Variants in SCFD2 observed in about 807,000 individuals in gnomAD.
SCFD2 encodes the protein sec1 family domain containing 2.
Under a neutral mutation model 58.9 loss-of-function variants are expected in SCFD2, and 54 were observed. The ratio of observed to expected loss-of-function variants is 0.92; its 90% CI spans 0.74 to 1.15. SCFD2 has a LOEUF of 1.15. SCFD2 is among the 50% of genes most tolerant of loss of function. SCFD2 has a pLI of 0.00. For missense variants in SCFD2, 805 were observed against 836.6 expected (o/e 0.96, Z 0.47); for synonymous variants, 321 against 335.9 (o/e 0.96, Z 0.49).
intron 1 of SCFD2, among the ~76,000 whole-genome samples, chr4:53,360,223 T>G (rs1201520405): frequency 6.6e-6 from 1 of 152,204 alleles, no homozygotes; most frequent in African/African-American, 2.4e-5. Flanking sequence ...TTGAACCAAA[T>G]GAGATTTTAA....
At chr4:53,317,681 T>C (rs1732906620) in intron 2 of SCFD2, among the ~76,000 whole-genome samples, 1 of 152,218 alleles carries the variant, frequency 6.6e-6, no homozygotes, top group African/African-American at 2.4e-5. Context: ...AGATTATTAC[T>C]AGGCAAGACT....
intron 5 of SCFD2, among the ~76,000 whole-genome samples, chr4:53,105,038 G>A (rs1049707855): frequency 5.3e-5 from 8 of 152,112 alleles, no homozygotes; most frequent in East Asian, 1.9e-4. Context: ...CACAAAGGGC[G>A]AGCTGAAGTG....
At chr4:53,171,329 A>G (rs975816052) in intron 4 of SCFD2, among the ~76,000 whole-genome samples, 1 of 152,210 alleles carries the variant, frequency 6.6e-6, no homozygotes, top group South Asian at 2.1e-4. Flanking sequence ...CGATTTGCAT[A>G]TATTGAACCA....
At chr4:53,262,970 A>T (rs12499731) in intron 4 of SCFD2, among the ~76,000 whole-genome samples, 17,790 of 151,882 alleles carry the variant, frequency 0.12, 1,176 homozygotes, top group East Asian at 0.22. Flanking sequence ...TTCTTTGTCT[A>T]TGATGGATTG....
At chr4:52,909,222 C>T (rs1319277971) in intron 6 of SCFD2, among the ~76,000 whole-genome samples, 1 of 152,134 alleles carries the variant, frequency 6.6e-6, no homozygotes, top group Admixed American at 6.6e-5. Context: ...TTTGCATATG[C>T]TCATGTATGC....
chr4:52,986,655 C>T (rs1269139872), intron 5 of SCFD2, among the ~76,000 whole-genome samples: 1 of 151,726 alleles, frequency 6.6e-6, no homozygotes, highest in Non-Finnish European at 1.5e-5. Context: ...CCCACCACCA[C>T]GCTCGGCTAA....
chr4:53,154,921 G>A (rs1255550940), intron 4 of SCFD2, among the ~76,000 whole-genome samples: 1 of 152,242 alleles, frequency 6.6e-6, no homozygotes, highest in Non-Finnish European at 1.5e-5. Flanking sequence ...GCCATGGAAT[G>A]CAGGGGGCCT....
intron 3 of SCFD2, among the ~76,000 whole-genome samples, chr4:53,279,703 A>G (rs1442760775): frequency 6.6e-6 from 1 of 152,240 alleles, no homozygotes; most frequent in Non-Finnish European, 1.5e-5. Flanking sequence ...GAGACTGGAC[A>G]ATTTAAAAAG....
At chr4:52,941,559 T>C (rs1720293623) in intron 5 of SCFD2, among the ~76,000 whole-genome samples, 1 of 152,214 alleles carries the variant, frequency 6.6e-6, no homozygotes, top group South Asian at 2.1e-4. Flanking sequence ...TAAACCTAAC[T>C]GTCTTCATCA....
chr4:53,236,795 C>T (rs536165012), intron 4 of SCFD2, among the ~76,000 whole-genome samples: 2 of 148,926 alleles, frequency 1.3e-5, no homozygotes, highest in African/African-American at 4.9e-5. Context: ...TTTCTAACTA[C>T]TTAAAGTCAC....
At chr4:53,254,486 C>CTT (rs796766166) in intron 4 of SCFD2, among the ~76,000 whole-genome samples, 3 of 145,558 alleles carry the variant, frequency 2.1e-5, no homozygotes, top group African/African-American at 7.5e-5. Flanking sequence ...TTCTTTTTTT[C>CTT]TTTTTTTTTT....
rs1442188012 is a variant in SCFD2, at chr4:53,329,757, C to T, written c.1008-15994G>A. Reference sequence around the variant, plus strand: ...AAAGCTGGATGGAGAATGACTTTGACGAGCTGAGAGAAGAAGGCTTCAGAC... The same window carrying T: ...AAAGCTGGATGGAGAATGACTTTGATGAGCTGAGAGAAGAAGGCTTCAGAC... On this transcript the variant is annotated intron_variant, in intron 2 of 8. Transcript: ENST00000401642. Among the ~76,000 whole-genome samples the T allele has an allele frequency of 4.6e-5, 7 of 151,400 alleles. No individual in the cohort carries two copies. In the East Asian group the frequency reaches 5.8e-4, roughly 13 times the overall value.
At chr4:52,897,584 T>C (rs1719056644) in intron 7 of SCFD2, among the ~76,000 whole-genome samples, 1 of 152,222 alleles carries the variant, frequency 6.6e-6, no homozygotes, top group African/African-American at 2.4e-5. Context: ...GATTTTTGCA[T>C]CAATGTTCAT....
At chr4:52,903,795 C>T (rs1719280376) in intron 7 of SCFD2, among the ~76,000 whole-genome samples, 1 of 152,174 alleles carries the variant, frequency 6.6e-6, no homozygotes, top group Non-Finnish European at 1.5e-5. Context: ...TAAAAACATG[C>T]TGATTAAAAC....
At chr4:52,948,796 G>T (rs548341950) in intron 5 of SCFD2, 4 of 215,922 alleles carry the variant, frequency 1.9e-5, no homozygotes, top group South Asian at 6.5e-5. Context: ...AACGATGGGC[G>T]GATTGATTAT....
chr4:53,153,398 C>T (rs1245410167), intron 4 of SCFD2, among the ~76,000 whole-genome samples: 6 of 152,232 alleles, frequency 3.9e-5, no homozygotes, highest in Admixed American at 2.0e-4. Context: ...AGAGCAGCAA[C>T]TAAAGTAGTA....
chr4:53,212,682 C>A (rs752492197), intron 4 of SCFD2, among the ~76,000 whole-genome samples: 6 of 150,946 alleles, frequency 4.0e-5, no homozygotes, highest in Non-Finnish European at 5.9e-5. Context: ...CATTAAGGTA[C>A]AAGGAAAACT....
At chr4:53,075,253 A>T (rs1469006025) in intron 5 of SCFD2, among the ~76,000 whole-genome samples, 1 of 152,224 alleles carries the variant, frequency 6.6e-6, no homozygotes, top group Non-Finnish European at 1.5e-5. Flanking sequence ...CAGCCTTGAT[A>T]GAATTGAAAA....
At chr4:53,187,511 A>ATT (rs1446063534) in intron 4 of SCFD2, among the ~76,000 whole-genome samples, 5 of 152,138 alleles carry the variant, frequency 3.3e-5, no homozygotes, top group African/African-American at 1.2e-4. Flanking sequence ...AAAGATGTAA[A>ATT]CTGCAGCCTT....
Sources: gnomAD v4.1 joint callset for allele counts (sites outside exome capture counted in the v4.1 genomes callset) on GRCh38, gnomAD v4.1.1 for gene constraint, MANE v1.5 for transcripts, NCBI Gene and HGNC (gene_info 2026-07-23, HGNC 2026-07-21) for gene names.